Variants in ARHGAP27 observed in about 807,000 individuals in gnomAD.
ARHGAP27 encodes the protein rho GTPase-activating protein 27.
A neutral mutation model predicts 102.0 loss-of-function variants in ARHGAP27; 53 were observed. That is an observed-to-expected ratio of 0.52 (90% CI 0.42 to 0.65). ARHGAP27 has a LOEUF of 0.65. Among genes scored for constraint, ARHGAP27 ranks in the 30% least tolerant of loss-of-function variants. ARHGAP27 has a pLI of 0.00. For missense variants in ARHGAP27, 1,117 were observed against 1,256.2 expected (o/e 0.89, Z 1.68); for synonymous variants, 525 against 542.8 (o/e 0.97, Z 0.46).
chr17:45,396,470 C>G lies in ARHGAP27; in HGVS notation c.2173+17G>C. 1.3e-6 allele frequency: 2 copies of G among 1,519,004 alleles called. No individual in the cohort carries two copies. The highest frequency in any genetic ancestry group is 1.8e-6 in the Non-Finnish European group (2 of 1,137,968). 94.1% of individuals were successfully genotyped at this position (1,519,004 alleles called of 1,614,324 possible). On this transcript the variant is annotated intron_variant, in intron 16 of 19. Coordinates refer to ENST00000685559, the MANE Select transcript of ARHGAP27 (RefSeq NM_001282290.2). ...GCACCCCAATGCCTGCCGCCCTCAC[C>G]CCCGCAGCGCACGTACCGCGGGCCT... is the stretch of plus-strand genomic sequence containing the variant.
intron 4 of ARHGAP27, chr17:45,409,814 C>G (rs1032208156): frequency 5.9e-6 from 1 of 168,912 alleles, no homozygotes; most frequent in African/African-American, 2.4e-5. Context: ...TGCTCCTGTT[C>G]ATGGAGGCCC....
intron 4 of ARHGAP27, chr17:45,409,554 TG>T (rs2047648175): frequency 6.6e-6 from 1 of 152,272 alleles, no homozygotes; most frequent in Admixed American, 6.5e-5. Context: ...TGGAGGTGAC[TG>T]AGCAGAGTCT....
At chr17:45,397,114 C>T (rs1039877330) in intron 13 of ARHGAP27, 90 bp from the exon 14 acceptor site, 2 of 1,548,450 alleles carry the variant, frequency 1.3e-6, no homozygotes, top group Non-Finnish European at 1.7e-6. Context: ...GCACTCCCAA[C>T]AGGCATGGCC....
Position 45,430,375 on chromosome 17 carries a change from G to A in ARHGAP27, c.-18-78C>T. 1 of 1,479,788 alleles carries A rather than the reference G, an allele frequency of 6.8e-7. No individual in the cohort carries two copies. The highest frequency in any genetic ancestry group is 1.3e-5 in the South Asian group (1 of 75,978). The allele number at this position is 1,479,788 out of a possible 1,614,324, so 91.7% of individuals were successfully genotyped here. On this transcript the variant is annotated intron_variant, in intron 3 of 19. Coordinates refer to ENST00000685559, the MANE Select transcript of ARHGAP27 (RefSeq NM_001282290.2). This position sits in a 1 kb window ranked among gnomAD's most constrained non-coding sequence, Gnocchi z 4.4. ...TAGCCCCGCACTCGGGGACAGACTT[G>A]GGTTCGAGTCCCGATCCTGCACTCG...
At position 45,395,829 on chromosome 17, in the gene ARHGAP27, G is replaced by T. The variant is rs1175787798; in HGVS notation, c.2407C>A (p.Arg803Ser). 1.2e-6 allele frequency: 2 copies of T among 1,602,016 alleles called. No homozygotes were observed. The highest frequency in any genetic ancestry group is 2.2e-5 in the South Asian group (2 of 89,598). ...AAIKLQDQAR[R>S]SRCVRDLVRS... ...ACCAAGTCACGCACACAGCGGCTGC[G>T]CCGGGCCTGGTCCTGCAACTCTGGG... is the stretch of plus-strand genomic sequence containing the variant. Residue 803 changes from arginine to serine, a missense_variant, in exon 19 of 20, where the codon CGC becomes AGC. Coordinates refer to ENST00000685559, the MANE Select transcript of ARHGAP27 (RefSeq NM_001282290.2).
At position 45,405,944 on chromosome 17, in the gene ARHGAP27, T is replaced by C; in HGVS notation, c.797A>G (p.Tyr266Cys). The change falls in exon 5 of 20, where the codon TAC becomes TGC. Residue 266 changes from tyrosine to cysteine, a missense_variant. Tyr to Cys is a radical substitution (Grantham distance 194). Transcript: ENST00000685559. The part of the protein sequence containing the change: ...TDAGTGRPYY[Y>C]NPDTGVTTWE... ...GGTGGTAACTCCCGTGTCTGGGTTG[T>C]AGTAGTAGGGGCGCCCGGTGCCCGC... 1 of 1,535,528 alleles carries C rather than the reference T, an allele frequency of 6.5e-7. No individual in the cohort carries two copies. The highest frequency in any genetic ancestry group is 8.7e-7 in the Non-Finnish European group (1 of 1,146,718).
intron 4 of ARHGAP27, among the ~76,000 whole-genome samples, chr17:45,424,281 A>C (rs1390745808): frequency 1.3e-5 from 2 of 152,248 alleles, no homozygotes; most frequent in South Asian, 4.1e-4. Flanking sequence ...AGAGCTTCCC[A>C]AATTTTAGCA....
At position 45,398,031 on chromosome 17, in the gene ARHGAP27, C is replaced by T; in HGVS notation, c.1760G>A (p.Gly587Asp). 1 of 1,603,964 alleles carries T rather than the reference C, an allele frequency of 6.2e-7. No individual in the cohort carries two copies. The highest frequency in any genetic ancestry group is 8.5e-7 in the Non-Finnish European group (1 of 1,172,266). Residue 587 changes from glycine (G) to aspartate (D), a missense_variant, in exon 13 of 20, where the codon GGC (glycine) becomes GAC (aspartate). Physicochemically the swap from Gly to Asp is moderately conservative, Grantham distance 94 (BLOSUM62 -1). Around this residue, in one of 3 missense-constraint regions of ARHGAP27, gnomAD observed 493 missense variants for 505.5 expected, o/e 0.98. Transcript: ENST00000685559. ...KNVLELRSRD[G>D]SEYLIQHDSE... is the part of the protein sequence containing the mutation. ...GTCGTGCTGGATCAGGTACTCAGAG[C>T]CATCTCGGCTCCGTAGCTGGAGGGA...
chr17:45,404,730 G>C, intron 6 of ARHGAP27, 49 bp from the exon 7 acceptor site: 5 of 1,573,832 alleles, frequency 3.2e-6, no homozygotes, highest in Non-Finnish European at 4.3e-6. Context: ...TATGAGAGGG[G>C]AGGAAAAGTT....
chr17:45,402,656 G>C lies in ARHGAP27; in HGVS notation c.1743+58C>G. 3 of 1,468,018 alleles carry C rather than the reference G, an allele frequency of 2.0e-6. No homozygotes were observed. The South Asian group carries it at 3.5e-5, about 17-fold the overall frequency. The allele number at this position is 1,468,018 out of a possible 1,614,324, so 90.9% of individuals were successfully genotyped here. On this transcript the variant is annotated intron_variant, in intron 12 of 19. Transcript: ENST00000685559. ...GTCATTTCCAGGTCAATAGTTGTCA[G>C]AGAGCTGGCAGGCATCACTAAGCCC...
rs772748413 is a variant in ARHGAP27 at position 45,405,114 on chromosome 17, G to C, written c.1066-8C>G. The C allele has an allele frequency of 8.3e-6, 13 of 1,564,578 alleles. No individual in the cohort carries two copies. In the South Asian group the frequency reaches 1.6e-4, roughly 19 times the overall value. On this transcript the variant is annotated splice_region_variant and splice_polypyrimidine_tract_variant and intron_variant, in intron 5 of 19. Transcript: ENST00000685559. ...CGTCTCGGGAGTGGGGGGCTGCGGGGAACAGAAGGTGGAGTCAGAGGCTCT... is the reference window on the plus strand; with the variant it reads ...CGTCTCGGGAGTGGGGGGCTGCGGGCAACAGAAGGTGGAGTCAGAGGCTCT...
At chr17:45,422,945 C>G (rs1373770382) in intron 4 of ARHGAP27, among the ~76,000 whole-genome samples, 6 of 152,264 alleles carry the variant, frequency 3.9e-5, no homozygotes, top group African/African-American at 1.2e-4. Flanking sequence ...CTTTGGGAGG[C>G]TGAGGTGGGT....
At position 45,402,824 on chromosome 17, in the gene ARHGAP27, G is replaced by A. The variant is rs2046605493; in HGVS notation, c.1639-6C>T. On this transcript the variant is annotated splice_region_variant and splice_polypyrimidine_tract_variant and intron_variant, in intron 11 of 19. Coordinates refer to ENST00000685559, the MANE Select transcript of ARHGAP27 (RefSeq NM_001282290.2). ...GAAAACTTGGAAGGCTGCCTCTGTG[G>A]GAGAGGGAGGAAGGTCACAGGGAGC... The A allele has an allele frequency of 6.2e-7, 1 of 1,608,378 alleles. No homozygotes were observed. The highest frequency in any genetic ancestry group is 8.5e-7 in the Non-Finnish European group (1 of 1,175,092).
At chr17:45,428,155 A>T (rs1345734175) in intron 4 of ARHGAP27, among the ~76,000 whole-genome samples, 1 of 152,206 alleles carries the variant, frequency 6.6e-6, no homozygotes, top group Non-Finnish European at 1.5e-5. Context: ...TCAGATGGGC[A>T]GGCACCCTCC....
Position 45,396,501 on chromosome 17 carries a change from G to A in ARHGAP27, c.2159C>T (p.Ala720Val). The A allele has an allele frequency of 1.9e-6, 3 of 1,551,848 alleles. No homozygotes were observed. Among genetic ancestry groups the A allele is most frequent in the East Asian group, 2.4e-5 (1 of 41,862 alleles). The change falls in exon 16 of 20, where the codon GCC (alanine) becomes GTC (valine). Residue 720 changes from alanine (A) to valine (V), a missense_variant. Ala to Val is a moderately conservative substitution (Grantham distance 64). Around this residue, in one of 3 missense-constraint regions of ARHGAP27, gnomAD observed 493 missense variants for 505.5 expected, o/e 0.98. Transcript: ENST00000685559. ...VPRFVQQCIRAVEARGLDIDG... is the reference protein window; with the variant it reads ...VPRFVQQCIRVVEARGLDIDG... ...AGCGCACGTACCGCGGGCCTCGACGGCGCGGATGCACTGCTGCACGAAGCG... is the reference window on the plus strand; with the variant it reads ...AGCGCACGTACCGCGGGCCTCGACGACGCGGATGCACTGCTGCACGAAGCG...
chr17:45,432,792 G>T lies in ARHGAP27; in HGVS notation c.-325C>A, dbSNP rs2050156652. 6.6e-6 allele frequency: 1 copy of T among 150,974 alleles called. No homozygotes were observed. The highest frequency in any genetic ancestry group is 2.4e-5 in the African/African-American group (1 of 41,096). 9.4% of individuals were successfully genotyped at this position (150,974 alleles called of 1,614,324 possible). A position where few individuals can be genotyped will look rare whatever the true frequency, so the allele number is the denominator to read the frequency against. ...CGCCGGCTTCGCCTCCACTTGCCCC[G>T]GCAGGCGCGCGTGGGCTCGGCGTCC... On this transcript the variant is annotated 5_prime_UTR_variant, in exon 1 of 20. Coordinates refer to ENST00000685559, the MANE Select transcript of ARHGAP27 (RefSeq NM_001282290.2).
rs1402393453 is a variant in ARHGAP27, at chr17:45,402,738, T to A, written c.1719A>T (p.Lys573Asn). Residue 573 changes from lysine to asparagine, a missense_variant, in exon 12 of 20, where the codon AAA (lysine) becomes AAT (asparagine). By Grantham distance (94) the Lys-to-Asn change is moderately conservative. Around this residue, in one of 3 missense-constraint regions of ARHGAP27, gnomAD observed 493 missense variants for 505.5 expected, o/e 0.98. Coordinates refer to ENST00000685559, the MANE Select transcript of ARHGAP27 (RefSeq NM_001282290.2). ...GATLSWAPKD[K>N]SSRKNVLELR... ...CCTCCAGCACATTCTTCCTACTGGA[T>A]TTGTCTTTGGGGGCCCAGGAGAGAG... 2 of 1,612,928 alleles carry A rather than the reference T, an allele frequency of 1.2e-6. No homozygotes were observed. The highest frequency in any genetic ancestry group is 2.7e-5 in the African/African-American group (2 of 74,868).
At chr17:45,400,186 C>T (rs565882835) in intron 12 of ARHGAP27, among the ~76,000 whole-genome samples, 1 of 152,266 alleles carries the variant, frequency 6.6e-6, no homozygotes, top group South Asian at 2.1e-4. Flanking sequence ...ATAAACAAAA[C>T]ATTTATCCTG....
intron 4 of ARHGAP27, among the ~76,000 whole-genome samples, chr17:45,426,518 C>G (rs537646390): frequency 6.6e-6 from 1 of 152,210 alleles, no homozygotes; most frequent in East Asian, 1.9e-4. Context: ...TGTCTGGTAG[C>G]CTGCCCTAAG....
Sources: gnomAD v4.1 joint callset for allele counts (sites outside exome capture counted in the v4.1 genomes callset) on GRCh38, gnomAD v4.1.1 for gene constraint, gnomAD v4.1.1 regional missense constraint, Gnocchi (gnomAD v3.1) non-coding constraint, MANE v1.5 for transcripts, NCBI Gene and HGNC (gene_info 2026-07-23, HGNC 2026-07-21) for gene names.